NINL: variants seen among roughly 807,000 people sequenced by gnomAD.
The protein encoded by NINL is ninein-like protein.
NINL carries 153 observed loss-of-function variants against 160.3 expected under a neutral mutation model. The ratio of observed to expected loss-of-function variants is 0.95; its 90% CI spans 0.84 to 1.09. NINL has a LOEUF of 1.09. Ranked by LOEUF, NINL falls within the 50% of genes least tolerant of loss-of-function variation. The pLI, the probability that NINL is intolerant of heterozygous loss-of-function variation, is 0.00. For missense variants in NINL, 1,829 were observed against 1,764.0 expected (o/e 1.04, Z -0.66); for synonymous variants, 800 against 734.8 (o/e 1.09, Z -1.43).
At chr20:25,577,783 T>C (rs1357219213) in intron 1 of NINL, among the ~76,000 whole-genome samples, 3 of 152,028 alleles carry the variant, frequency 2.0e-5, no homozygotes, top group African/African-American at 4.8e-5. Context: ...GGCTTACTAC[T>C]GTCCTAGTCC....
chr20:25,530,703 A>T (rs546105571), intron 1 of NINL, among the ~76,000 whole-genome samples: 3 of 152,198 alleles, frequency 2.0e-5, no homozygotes, highest in African/African-American at 7.2e-5. Flanking sequence ...AAGCTGCAAA[A>T]CCAGCAAGTT....
rs1209916130 is a variant in NINL, at chr20:25,491,435, CCTGTGG to C, written c.1395_1400del (p.His466_Arg467del). ...CGTCCCACTCCAGCGCGGCCCTCTG[CCTGTGG>C]GCCTGCTCCCAGAACAGCTCTCGCT... is the stretch of plus-strand genomic sequence containing the variant. On this transcript the variant is annotated inframe_deletion, in exon 11 of 24. Coordinates refer to ENST00000278886, the MANE Select transcript of NINL (RefSeq NM_025176.6). 5.6e-6 allele frequency: 9 copies of C among 1,613,854 alleles called. No homozygotes were observed. Among genetic ancestry groups the C allele is most frequent in the Non-Finnish European group, 7.6e-6 (9 of 1,180,014 alleles).
intron 1 of NINL, among the ~76,000 whole-genome samples, chr20:25,577,727 G>C (rs1054742903): frequency 1.3e-5 from 2 of 152,094 alleles, no homozygotes; most frequent in African/African-American, 2.4e-5. Context: ...CCATCCTGGC[G>C]GGGGAGCCCA....
chr20:25,468,561 ACCCCC>A (rs1181229830), intron 18 of NINL, among the ~76,000 whole-genome samples: 187 of 49,330 alleles, frequency 3.8e-3, no homozygotes, highest in African/African-American at 0.013. Flanking sequence ...ACTGGTGCGC[ACCCCC>A]CTGCCCTGTC....
chr20:25,475,972 C>T (rs2063221507), intron 17 of NINL, 71 bp downstream of exon 17: 8 of 1,482,228 alleles, frequency 5.4e-6, no homozygotes. Flanking sequence ...CCATTAGCAA[C>T]AGGGGTCAGT....
At chr20:25,477,698 G>C (rs2063293174) in intron 16 of NINL, among the ~76,000 whole-genome samples, 1 of 152,216 alleles carries the variant, frequency 6.6e-6, no homozygotes, top group Non-Finnish European at 1.5e-5. Context: ...CAGATCGGGA[G>C]CCCTGCAGAG....
chr20:25,463,921 G>A (rs1257426984), intron 19 of NINL, among the ~76,000 whole-genome samples: 1 of 152,136 alleles, frequency 6.6e-6, no homozygotes, highest in Non-Finnish European at 1.5e-5. Context: ...CACGACATAA[G>A]CGTGTGGCAG....
At chr20:25,506,238 G>A (rs1341116385) in intron 5 of NINL, among the ~76,000 whole-genome samples, 1 of 152,214 alleles carries the variant, frequency 6.6e-6, no homozygotes, top group Non-Finnish European at 1.5e-5. Context: ...TCCAGCCTGG[G>A]CTACAGAAGA....
intron 17 of NINL, 48 bp downstream of exon 17, chr20:25,475,995 C>T: frequency 6.4e-7 from 1 of 1,569,410 alleles, no homozygotes; most frequent in Non-Finnish European, 8.7e-7. Flanking sequence ...GTTAGTTCTG[C>T]ATTTTTAGTT....
At chr20:25,510,522 T>C in intron 5 of NINL, 152 bp downstream of exon 5, 1 of 763,622 alleles carries the variant, frequency 1.3e-6, no homozygotes, top group Admixed American at 1.8e-5. Context: ...TGACCACTCC[T>C]GCAGGAGGAA....
At position 25,476,836 on chromosome 20, in the gene NINL, C is replaced by G; in HGVS notation, c.2455G>C (p.Gly819Arg). 3 of 1,613,368 alleles carry G rather than the reference C, an allele frequency of 1.9e-6. No homozygotes were observed. The highest frequency in any genetic ancestry group is 2.5e-6 in the Non-Finnish European group (3 of 1,179,922). The change falls in exon 17 of 24, where the codon GGG (glycine) becomes CGG (arginine). Residue 819 changes from glycine (G) to arginine (R), a missense_variant. Transcript: ENST00000278886. Reference protein sequence around the residue: ...LELARGKRVDGPSLEAEMQAL... With the variant: ...LELARGKRVDRPSLEAEMQAL... Reference sequence around the variant, plus strand: ...TGCATCTCTGCTTCCAGGGAGGGCCCGTCCACTCGCTTCCCGCGGGCAAGC... The same window carrying G: ...TGCATCTCTGCTTCCAGGGAGGGCCGGTCCACTCGCTTCCCGCGGGCAAGC...
At chr20:25,574,130 A>G (rs1473587456) in intron 1 of NINL, among the ~76,000 whole-genome samples, 1 of 152,200 alleles carries the variant, frequency 6.6e-6, no homozygotes. Flanking sequence ...TGATTCTAGT[A>G]TAAATGACTG....
At chr20:25,552,247 A>G (rs1278687233) in intron 1 of NINL, among the ~76,000 whole-genome samples, 1 of 151,998 alleles carries the variant, frequency 6.6e-6, no homozygotes, top group Admixed American at 6.6e-5. Context: ...AAAATCTACT[A>G]AAAGAGCTGG....
chr20:25,524,233 C>G (rs931641865), intron 2 of NINL, among the ~76,000 whole-genome samples: 6 of 152,164 alleles, frequency 3.9e-5, no homozygotes, highest in Admixed American at 2.0e-4. Context: ...GATGAAGGGA[C>G]AGGCAGGGAG....
At chr20:25,546,352 G>C (rs1417991487) in intron 1 of NINL, among the ~76,000 whole-genome samples, 1 of 152,032 alleles carries the variant, frequency 6.6e-6, no homozygotes, top group African/African-American at 2.4e-5. Flanking sequence ...AGCTTTCGTG[G>C]GTAAGTGCTT....
At chr20:25,561,247 C>T (rs939341628) in intron 1 of NINL, among the ~76,000 whole-genome samples, 12 of 152,132 alleles carry the variant, frequency 7.9e-5, no homozygotes, top group African/African-American at 2.2e-4. Context: ...CTGTGTTGGC[C>T]GGGCTGGTCT....
chr20:25,515,037 A>C (rs1377418958), intron 3 of NINL, among the ~76,000 whole-genome samples: 1 of 152,232 alleles, frequency 6.6e-6, no homozygotes, highest in Non-Finnish European at 1.5e-5. Context: ...CCCACTGGGC[A>C]CTGCCTAGTG....
At chr20:25,509,648 A>G (rs1568928610) in intron 5 of NINL, 1 of 456,688 alleles carries the variant, frequency 2.2e-6, no homozygotes, top group African/African-American at 2.0e-5. Flanking sequence ...TCTGGCCACC[A>G]CACTGATCCT....
chr20:25,453,698 T>G (rs552893607), intron 23 of NINL, 56 bp from the exon 24 acceptor site: 2 of 1,471,212 alleles, frequency 1.4e-6, no homozygotes, highest in Non-Finnish European at 1.8e-6. Context: ...ACGCTACAGA[T>G]CAGCCTGCTC....
Sources: allele counts gnomAD v4.1 joint callset (sites outside exome capture counted in the v4.1 genomes callset), GRCh38; gene constraint gnomAD v4.1.1; transcripts MANE v1.5; gene names NCBI Gene and HGNC (gene_info 2026-07-23, HGNC 2026-07-21).